The following LYST variants were observed in gnomAD, a reference collection of about 807,000 sequenced individuals.
The protein encoded by LYST is lysosomal trafficking regulator.
Under a neutral mutation model 413.6 loss-of-function variants are expected in LYST, and 192 were observed. The ratio of observed to expected loss-of-function variants is 0.46; its 90% CI spans 0.41 to 0.52. LYST has a LOEUF of 0.52. Among genes scored for constraint, LYST ranks in the 20% least tolerant of loss-of-function variants. The pLI is 0.00. For missense variants in LYST, 3,815 were observed against 4,499.9 expected (o/e 0.85, Z 4.35); for synonymous variants, 1,525 against 1,567.3 (o/e 0.97, Z 0.64).
intron 1 of LYST, among the ~76,000 whole-genome samples, chr1:235,880,633 T>C: frequency 6.6e-6 from 1 of 152,216 alleles, no homozygotes; most frequent in Non-Finnish European, 1.5e-5. Context: ...GAGTATTTTT[T>C]CTATTCTTGG....
At chr1:235,845,449 A>C (rs1677713086) in intron 1 of LYST, among the ~76,000 whole-genome samples, 2 of 152,188 alleles carry the variant, frequency 1.3e-5, no homozygotes, top group Non-Finnish European at 2.9e-5. Flanking sequence ...TCTCTAGCCT[A>C]ACTTTCTAAC....
chr1:235,871,721 G>C (rs2103227606), upstream of LYST, among the ~76,000 whole-genome samples: 1 of 152,308 alleles, frequency 6.6e-6, no homozygotes, highest in South Asian at 2.1e-4. Flanking sequence ...TAATTGAGTA[G>C]TCTCTAATAA....
In LYST at chr1:235,664,262, G is replaced by C. The variant is rs1658257645; in HGVS notation, c.11195+203C>G. 1.3e-5 allele frequency among the ~76,000 whole-genome samples: 2 copies of C among 152,068 alleles called. No homozygotes were observed. Among genetic ancestry groups the C allele is most frequent in the South Asian group, 2.1e-4 (1 of 4,830 alleles). ...ACTTCCATACTGTTAATCTTTTATA[G>C]TTAACATAAAACTTCAAAACTGTGC... is the stretch of plus-strand genomic sequence containing the variant. On this transcript the variant is annotated intron_variant, in intron 51 of 52. Coordinates refer to ENST00000389793, the MANE Select transcript of LYST (RefSeq NM_000081.4). This position sits in a 1 kb window ranked among gnomAD's most constrained non-coding sequence, Gnocchi z 4.5.
At chr1:235,716,882 C>T (rs1662889878) in intron 40 of LYST, 104 bp from the exon 41 acceptor site, 2 of 695,228 alleles carry the variant, frequency 2.9e-6, no homozygotes, top group Admixed American at 2.2e-5. Context: ...CAACAAAATG[C>T]TCCACCCTTA....
intron 1 of LYST, among the ~76,000 whole-genome samples, chr1:235,863,548 C>A (rs1301205189): frequency 6.7e-6 from 1 of 150,182 alleles, no homozygotes; most frequent in Non-Finnish European, 1.5e-5. Flanking sequence ...TTAAATACAG[C>A]AACAGACCAA....
At chr1:235,842,545 A>G (rs567962712) in intron 1 of LYST, among the ~76,000 whole-genome samples, 1 of 152,356 alleles carries the variant, frequency 6.6e-6, no homozygotes, top group Admixed American at 6.5e-5. Flanking sequence ...CTAAATCTCT[A>G]GCATCTAGAA....
At chr1:235,876,592 T>C (rs1681147999) in intron 1 of LYST, among the ~76,000 whole-genome samples, 1 of 152,226 alleles carries the variant, frequency 6.6e-6, no homozygotes, top group Non-Finnish European at 1.5e-5. Context: ...TTGGGGAGAT[T>C]TTATTTAAAT....
At chr1:235,777,426 A>C in intron 16 of LYST, 118 bp from the exon 17 acceptor site, 1 of 834,648 alleles carries the variant, frequency 1.2e-6, no homozygotes. Flanking sequence ...TTTGTTTAAA[A>C]AACAACAGCT....
At chr1:235,710,323 A>C (rs754092068) in intron 43 of LYST, among the ~76,000 whole-genome samples, 3 of 152,212 alleles carry the variant, frequency 2.0e-5, no homozygotes, top group Non-Finnish European at 4.4e-5. Context: ...TGGTTGATTT[A>C]GGATGGACTG....
intron 21 of LYST, among the ~76,000 whole-genome samples, chr1:235,765,411 T>G (rs568984555): frequency 6.6e-6 from 1 of 152,350 alleles, no homozygotes; most frequent in South Asian, 2.1e-4. Flanking sequence ...AATTTACTTA[T>G]AGCCTTTGCT....
intron 45 of LYST, among the ~76,000 whole-genome samples, chr1:235,698,792 G>C (rs1487441317): frequency 1.3e-5 from 2 of 152,138 alleles, no homozygotes; most frequent in African/African-American, 2.4e-5. Flanking sequence ...AGAATGGCAT[G>C]AACCTGGGAG....
chr1:235,777,315 T>C lies in LYST; in HGVS notation c.5215-7A>G. Reference sequence around the variant, plus strand: ...AAACAACTGAAAGACTTTCCTGAAATACAAATATTTTCATTCAGTAATGAC... The same window carrying C: ...AAACAACTGAAAGACTTTCCTGAAACACAAATATTTTCATTCAGTAATGAC... On this transcript the variant is annotated splice_region_variant and splice_polypyrimidine_tract_variant and intron_variant, in intron 16 of 52. Transcript: ENST00000389793. 1 of 1,610,926 alleles carries C rather than the reference T, an allele frequency of 6.2e-7. No individual in the cohort carries two copies. Among genetic ancestry groups the C allele is most frequent in the Non-Finnish European group, 8.5e-7 (1 of 1,177,714 alleles).
intron 17 of LYST, 27 bp from the exon 18 acceptor site, chr1:235,775,113 T>A (rs762388509): frequency 6.3e-7 from 1 of 1,576,054 alleles, no homozygotes; most frequent in Admixed American, 1.7e-5. Context: ...GTGGATATAG[T>A]TTTCTCCCAA....
intron 13 of LYST, 62 bp from the exon 14 acceptor site, chr1:235,787,435 A>C: frequency 8.1e-7 from 1 of 1,235,198 alleles, no homozygotes; most frequent in South Asian, 1.2e-5. Context: ...AGTGTTTAAC[A>C]TACATATAGT....
At chr1:235,711,191 A>G (rs1357556206) in intron 43 of LYST, among the ~76,000 whole-genome samples, 4 of 152,214 alleles carry the variant, frequency 2.6e-5, no homozygotes, top group African/African-American at 4.8e-5. Context: ...GAACATACAT[A>G]TAAGAGACCA....
rs936254243 is a variant in LYST, at chr1:235,674,958, G to A, written c.11038+2133C>T. ...TGCTGCATCATACCTTGTATTCGTGGATCAAGGCAAAGGCTTATAGAAAAA... is the reference window on the plus strand; with the variant it reads ...TGCTGCATCATACCTTGTATTCGTGAATCAAGGCAAAGGCTTATAGAAAAA... On this transcript the variant is annotated intron_variant, in intron 50 of 52. Transcript: ENST00000389793. The surrounding 1 kb of genome is among the most constrained non-coding windows in gnomAD (Gnocchi z 4.1). Among the ~76,000 whole-genome samples, 28 of 152,088 alleles carry A rather than the reference G, an allele frequency of 1.8e-4. No individual in the cohort carries two copies. Among genetic ancestry groups the A allele is most frequent in the African/African-American group, 6.5e-4 (27 of 41,402 alleles).
chr1:235,673,290 A>G (rs1331624213), intron 50 of LYST, among the ~76,000 whole-genome samples: 1 of 151,614 alleles, frequency 6.6e-6, no homozygotes, highest in East Asian at 1.9e-4. Flanking sequence ...AGTCAAGCTC[A>G]CCCCAAAATA....
chr1:235,864,786 A>T (rs917127456), intron 1 of LYST, among the ~76,000 whole-genome samples: 3 of 152,160 alleles, frequency 2.0e-5, no homozygotes, highest in African/African-American at 7.2e-5. Context: ...TTAGCCAAGC[A>T]TGGTGGGTGA....
Position 235,800,847 on chromosome 1 carries a change from CATTTAACTAA to C in LYST, c.3939+14_3939+23del, listed in dbSNP as rs1558264901. On this transcript the variant is annotated intron_variant, in intron 9 of 52. Transcript: ENST00000389793. ...TGATGAGTCTGATAAATATTGATCACATTTAACTAAATGAATTTTTTACCTGTTGCATGAG... is the reference window on the plus strand; with the variant it reads ...TGATGAGTCTGATAAATATTGATCACATGAATTTTTTACCTGTTGCATGAG... The C allele has an allele frequency of 2.0e-6, 3 of 1,466,148 alleles. No homozygotes were observed. The Admixed American group carries it at 5.1e-5, about 25-fold the overall frequency. The allele number at this position is 1,466,148 out of a possible 1,614,324, so 90.8% of individuals were successfully genotyped here. A position where few individuals can be genotyped will look rare whatever the true frequency, so the allele number is the denominator to read the frequency against.
Sources: allele counts gnomAD v4.1 joint callset (sites outside exome capture counted in the v4.1 genomes callset), GRCh38; gene constraint gnomAD v4.1.1; non-coding constraint Gnocchi (gnomAD v3.1); transcripts MANE v1.5; gene names NCBI Gene and HGNC (gene_info 2026-07-23, HGNC 2026-07-21).